PCDHGA6: variants seen among roughly 807,000 people sequenced by gnomAD.
PCDHGA6 encodes protocadherin gamma-A6.
A neutral mutation model predicts 60.6 loss-of-function variants in PCDHGA6; 41 were observed. That is an observed-to-expected ratio of 0.68 (90% CI 0.53 to 0.88). The LOEUF (loss-of-function observed/expected upper bound fraction) is 0.88. Among genes scored for constraint, PCDHGA6 ranks in the 40% least tolerant of loss-of-function variants. PCDHGA6 has a pLI of 0.00. For synonymous variants in PCDHGA6, 594 were observed against 524.4 expected (o/e 1.13, Z -1.81); for missense variants, 1,312 against 1,203.0 (o/e 1.09, Z -1.34).
At chr5:141,414,064 C>T in intron 1 of PCDHGA6, 1 of 1,607,864 alleles carries the variant, frequency 6.2e-7, no homozygotes, top group Non-Finnish European at 8.5e-7. Context: ...GTTGAAGTTC[C>T]AACTAAACAA....
Position 141,405,054 on chromosome 5 carries a change from C to G in PCDHGA6, c.2424+28547C>G, listed in dbSNP as rs773491411. ...CTCGTTGTGGCTGTGGCAGTCGTCT[C>G]CTGTGTCTTCCTCACCTTCGTTATC... On this transcript the variant is annotated intron_variant, in intron 1 of 3. Transcript: ENST00000517434. The G allele has an allele frequency of 2.3e-5, 37 of 1,613,806 alleles. 1 individual carries two copies. The South Asian group carries it at 4.1e-4, about 18-fold the overall frequency.
rs1315225126 is a variant in PCDHGA6 at position 141,487,926 on chromosome 5, A to G, written c.2425-6881A>G. The G allele has an allele frequency of 2.2e-5, 14 of 626,676 alleles. No individual in the cohort carries two copies. Among genetic ancestry groups the G allele is most frequent in the Non-Finnish European group, 3.9e-5 (14 of 359,988 alleles). The allele number at this position is 626,676 out of a possible 1,614,324, so 38.8% of individuals were successfully genotyped here. ...GTGGGAGCACAGGAGGCTACAGTGC[A>G]CAGGGTACAGTGCACCAGGCAGTCA... On this transcript the variant is annotated intron_variant, in intron 1 of 3. Coordinates refer to ENST00000517434, the MANE Select transcript of PCDHGA6 (RefSeq NM_018919.3). The surrounding 1 kb of genome is among the most constrained non-coding windows in gnomAD (Gnocchi z 5.0).
intron 1 of PCDHGA6, chr5:141,385,087 G>C: frequency 6.2e-7 from 1 of 1,614,234 alleles, no homozygotes; most frequent in Non-Finnish European, 8.5e-7. Flanking sequence ...GGCTTCAGAA[G>C]GTGGCTTGGC....
chr5:141,501,439 C>G (rs1245306644), intron 2 of PCDHGA6, among the ~76,000 whole-genome samples: 1 of 151,978 alleles, frequency 6.6e-6, no homozygotes, highest in Non-Finnish European at 1.5e-5. Context: ...TCCATTTCTT[C>G]CATTTTTACT....
intron 1 of PCDHGA6, among the ~76,000 whole-genome samples, chr5:141,471,163 G>GC (rs202115056): frequency 0.11 from 16,237 of 150,562 alleles, 892 homozygotes; most frequent in South Asian, 0.15. Context: ...GATTCTCCTG[G>GC]CTCAGCCTCC....
chr5:141,485,109 CTGTT>C lies in PCDHGA6; in HGVS notation c.2425-9695_2425-9692del. ...AGATAGGTGTCTCCAGCTGCTGTGG[CTGTT>C]TGGGGCGGGTCGGCTTCATCCGCGT... On this transcript the variant is annotated intron_variant, in intron 1 of 3. Transcript: ENST00000517434. This position sits in a 1 kb window ranked among gnomAD's most constrained non-coding sequence, Gnocchi z 5.7. 8.1e-7 allele frequency: 1 copy of C among 1,230,964 alleles called. No individual in the cohort carries two copies. Among genetic ancestry groups the C allele is most frequent in the Non-Finnish European group, 1.2e-6 (1 of 850,026 alleles). The allele number at this position is 1,230,964 out of a possible 1,614,324, so 76.3% of individuals were successfully genotyped here.
chr5:141,407,139 A>G lies in PCDHGA6; in HGVS notation c.2424+30632A>G, dbSNP rs190510544. Among the ~76,000 whole-genome samples, 1,517 of 152,332 alleles carry G rather than the reference A, an allele frequency of 1.0e-2. 33 individuals carry two copies. The highest frequency in any genetic ancestry group is 0.034 in the African/African-American group (1,425 of 41,568). On this transcript the variant is annotated intron_variant, in intron 1 of 3. Coordinates refer to ENST00000517434, the MANE Select transcript of PCDHGA6 (RefSeq NM_018919.3). ...TTTCAGTTGCTTTATTTTTAAGAAA[A>G]AAAAGCTGAAGTGTCTGGGAATCCT...
intron 2 of PCDHGA6, among the ~76,000 whole-genome samples, chr5:141,498,114 G>C (rs1336064850): frequency 6.6e-6 from 1 of 152,196 alleles, no homozygotes; most frequent in East Asian, 1.9e-4. Flanking sequence ...CGTATAATAG[G>C]GATTTGATTT....
At position 141,486,646 on chromosome 5, in the gene PCDHGA6, C is replaced by T; in HGVS notation, c.2425-8161C>T. On this transcript the variant is annotated intron_variant, in intron 1 of 3. Transcript: ENST00000517434. The surrounding 1 kb of genome is among the most constrained non-coding windows in gnomAD (Gnocchi z 5.0). ...ACTCTGGCTTGAATGCGCTTATCTC[C>T]TACTCACTCCTGGAGCCCAGGAATC... is the stretch of plus-strand genomic sequence containing the variant. 4.3e-6 allele frequency: 7 copies of T among 1,613,916 alleles called. No individual in the cohort carries two copies. Among genetic ancestry groups the T allele is most frequent in the African/African-American group, 1.3e-5 (1 of 75,058 alleles).
intron 1 of PCDHGA6, chr5:141,409,191 A>G: frequency 1.2e-6 from 2 of 1,613,970 alleles, no homozygotes; most frequent in African/African-American, 2.7e-5. Flanking sequence ...CTCTCTACCC[A>G]GTGTAAAGTA....
At position 141,423,482 on chromosome 5, in the gene PCDHGA6, A is replaced by T. The variant is rs553914622; in HGVS notation, c.2424+46975A>T. On this transcript the variant is annotated intron_variant, in intron 1 of 3. Transcript: ENST00000517434. ...GTGGACGGGGTACAGGCTTTCCTGC[A>T]AACCTATTCCCACGAGGTCTCTCTC... is the stretch of plus-strand genomic sequence containing the variant. 1.1e-5 allele frequency: 17 copies of T among 1,613,968 alleles called. No homozygotes were observed. The African/African-American group carries it at 2.3e-4, about 22-fold the overall frequency.
At chr5:141,442,049 C>A in intron 1 of PCDHGA6, 2 of 202,550 alleles carry the variant, frequency 9.9e-6, no homozygotes, top group South Asian at 1.3e-4. Flanking sequence ...GCCTACTGGT[C>A]GCGGTGCACT....
In PCDHGA6 at chr5:141,485,770, T is replaced by A. The variant is rs1199757869; in HGVS notation, c.2425-9037T>A. The A allele has an allele frequency of 6.2e-7, 1 of 1,614,180 alleles. No homozygotes were observed. The highest frequency in any genetic ancestry group is 1.1e-5 in the South Asian group (1 of 91,080). On this transcript the variant is annotated intron_variant, in intron 1 of 3. Transcript: ENST00000517434. This position sits in a 1 kb window ranked among gnomAD's most constrained non-coding sequence, Gnocchi z 5.7. ...TCCCAGAGCTGCTCCTGGAGAAGCC[T>A]TTGGATCGAGAGAAGCAATCGGACT... is the stretch of plus-strand genomic sequence containing the variant.
At chr5:141,458,289 T>G (rs2154566205) in intron 1 of PCDHGA6, among the ~76,000 whole-genome samples, 1 of 152,280 alleles carries the variant, frequency 6.6e-6, no homozygotes, top group African/African-American at 2.4e-5. Flanking sequence ...CTGGTCCTCA[T>G]GCTGGTTTAG....
rs769671283 is a variant in PCDHGA6, at chr5:141,511,391, C to T, written c.*218C>T. On this transcript the variant is annotated 3_prime_UTR_variant, in exon 4 of 4. Transcript: ENST00000517434. Reference sequence around the variant, plus strand: ...TGCAAAAGCAGTTCCGCTGGGAACCCCCATCCAATCAACTGCTGTACCCAT... The same window carrying T: ...TGCAAAAGCAGTTCCGCTGGGAACCTCCATCCAATCAACTGCTGTACCCAT... The T allele has an allele frequency of 6.4e-5, 69 of 1,079,630 alleles. No individual in the cohort carries two copies. The highest frequency in any genetic ancestry group is 1.5e-4 in the Admixed American group (5 of 34,354). 66.9% of individuals were successfully genotyped at this position (1,079,630 alleles called of 1,614,324 possible). A position where few individuals can be genotyped will look rare whatever the true frequency, so the allele number is the denominator to read the frequency against.
chr5:141,418,840 C>G, intron 1 of PCDHGA6: 1 of 1,614,006 alleles, frequency 6.2e-7, no homozygotes. Flanking sequence ...GAGGATCTCT[C>G]TCAACACGGT....
chr5:141,478,372 G>A (rs778468803), intron 1 of PCDHGA6: 2 of 1,613,704 alleles, frequency 1.2e-6, no homozygotes, highest in Non-Finnish European at 8.5e-7. Flanking sequence ...GAGGCCTGAT[G>A]TCGCCGCACC....
intron 1 of PCDHGA6, chr5:141,399,077 G>A (rs1589355843): frequency 6.2e-7 from 1 of 1,613,830 alleles, no homozygotes; most frequent in Non-Finnish European, 8.5e-7. Context: ...GTTGTAGAAG[G>A]GAGGGATGGT....
chr5:141,458,922 G>A (rs747489537), intron 1 of PCDHGA6, among the ~76,000 whole-genome samples: 2 of 151,918 alleles, frequency 1.3e-5, no homozygotes, highest in East Asian at 1.9e-4. Flanking sequence ...TTGTGGAGAC[G>A]GGGTCTCACT....
Sources: allele counts gnomAD v4.1 joint callset (sites outside exome capture counted in the v4.1 genomes callset), GRCh38; gene constraint gnomAD v4.1.1; non-coding constraint Gnocchi (gnomAD v3.1); transcripts MANE v1.5; gene names NCBI Gene and HGNC (gene_info 2026-07-23, HGNC 2026-07-21).